CAPN15: variants seen among roughly 807,000 people sequenced by gnomAD.
The protein encoded by CAPN15 is calpain 15, also known as calpain-15.
A neutral mutation model predicts 97.9 loss-of-function variants in CAPN15; 53 were observed. The ratio of observed to expected loss-of-function variants is 0.54; its 90% CI spans 0.43 to 0.68. The LOEUF is 0.68. Ranked by LOEUF, CAPN15 falls within the 30% of genes least tolerant of loss-of-function variation. CAPN15 has a pLI of 0.00. For missense variants in CAPN15, 1,592 were observed against 1,589.8 expected, an observed-to-expected ratio of 1.00 and a Z score of -0.02; for synonymous variants, 922 against 722.5, an observed-to-expected ratio of 1.28 and a Z score of -4.43.
chr16:532,899 C>T (rs970371989), intron 1 of CAPN15, among the ~76,000 whole-genome samples: 2 of 150,614 alleles, frequency 1.3e-5, no homozygotes, highest in African/African-American at 2.4e-5. Flanking sequence ...CTGGACACAC[C>T]TGCACACCAT....
Position 551,647 on chromosome 16 carries a change from G to C in CAPN15, c.2328G>C (p.Glu776Asp). 1 of 1,594,680 alleles carries C rather than the reference G, an allele frequency of 6.3e-7. No homozygotes were observed. The highest frequency in any genetic ancestry group is 8.5e-7 in the Non-Finnish European group (1 of 1,173,162). ...GCAGTGAGGGTGTCTTCTGGATGGA[G>C]TACGGCGACTTTGTCAGGTATCGGC... ...HGSSEGVFWM[E>D]YGDFVRYFDS... Residue 776 changes from glutamate (E) to aspartate (D), a missense_variant, in exon 9 of 14, where the codon GAG (glutamate) becomes GAC (aspartate). Transcript: ENST00000219611.
chr16:540,287 G>C, intron 3 of CAPN15: 1 of 985,488 alleles, frequency 1.0e-6, no homozygotes, highest in Non-Finnish European at 1.2e-6. Flanking sequence ...GCGGCTGGCT[G>C]GTGTAGGAGC....
rs1272073279 is a variant in CAPN15 at position 551,679 on chromosome 16, G to A, written c.2345+15G>A. ...GACTTTGTCAGGTATCGGCACCGTGGGGCGGTGTGCACGCCGCCCCCGCCC... is the reference window on the plus strand; with the variant it reads ...GACTTTGTCAGGTATCGGCACCGTGAGGCGGTGTGCACGCCGCCCCCGCCC... On this transcript the variant is annotated intron_variant, in intron 9 of 13. Coordinates refer to ENST00000219611, the MANE Select transcript of CAPN15 (RefSeq NM_005632.3). 6.3e-7 allele frequency: 1 copy of A among 1,584,746 alleles called. No homozygotes were observed. The highest frequency in any genetic ancestry group is 8.6e-7 in the Non-Finnish European group (1 of 1,167,924).
Position 548,040 on chromosome 16 carries a change from C to T in CAPN15, c.1202C>T (p.Ser401Leu), listed in dbSNP as rs752957993. Residue 401 changes from serine to leucine, a missense_variant, in exon 4 of 14, where the codon TCG (serine) becomes TTG (leucine). This residue lies in a region of CAPN15 where 883 missense variants were observed against 776.6 expected (regional missense o/e 1.14). Coordinates refer to ENST00000219611, the MANE Select transcript of CAPN15 (RefSeq NM_005632.3). ...GGCAGAAGCTGCGGACGGGTGTCCT[C>T]GGCCCAGAAGGCCGCCCGCGTCCTG... is the stretch of plus-strand genomic sequence containing the variant. ...PCGRSCGRVS[S>L]AQKAARVLPE... The T allele has an allele frequency of 5.6e-5, 87 of 1,561,396 alleles. No individual in the cohort carries two copies. Among genetic ancestry groups the T allele is most frequent in the African/African-American group, 8.2e-5 (6 of 73,554 alleles).
chr16:549,997 TC>T (rs1213772891), intron 7 of CAPN15, among the ~76,000 whole-genome samples, 159 bp downstream of exon 7: 1 of 151,724 alleles, frequency 6.6e-6, no homozygotes, highest in Non-Finnish European at 1.5e-5. Flanking sequence ...CCCAATCACC[TC>T]CCCCTCCCTG....
Position 534,435 on chromosome 16 carries a change from A to G in CAPN15, c.-137+437A>G, listed in dbSNP as rs552393994. On this transcript the variant is annotated intron_variant, in intron 2 of 13. Coordinates refer to ENST00000219611, the MANE Select transcript of CAPN15 (RefSeq NM_005632.3). Reference sequence around the variant, plus strand: ...GGAGAATGCTGTCCTGCCAGTTGTCATTTGGGGCGGGCGGTCGGAGTCCAC... The same window carrying G: ...GGAGAATGCTGTCCTGCCAGTTGTCGTTTGGGGCGGGCGGTCGGAGTCCAC... Among the ~76,000 whole-genome samples, 151 of 152,084 alleles carry G rather than the reference A, an allele frequency of 9.9e-4. 1 individual carries two copies. The highest frequency in any genetic ancestry group is 3.6e-3 in the African/African-American group (148 of 41,480).
In CAPN15 at chr16:549,884, C is replaced by T. The variant is rs372485170; in HGVS notation, c.2066+46C>T. On this transcript the variant is annotated intron_variant, in intron 7 of 13. Coordinates refer to ENST00000219611, the MANE Select transcript of CAPN15 (RefSeq NM_005632.3). ...TGGTCAGCCGCGTTGGGAGGAGAGGCGAGGCGGAGCGGTGGGAGATGTGGG... is the reference window on the plus strand; with the variant it reads ...TGGTCAGCCGCGTTGGGAGGAGAGGTGAGGCGGAGCGGTGGGAGATGTGGG... 3.6e-5 allele frequency: 52 copies of T among 1,426,784 alleles called. No individual in the cohort carries two copies. In the African/African-American group the frequency reaches 4.5e-4, roughly 12 times the overall value. 88.4% of individuals were successfully genotyped at this position (1,426,784 alleles called of 1,614,324 possible). A position where few individuals can be genotyped will look rare whatever the true frequency, so the allele number is the denominator to read the frequency against.
rs369865671 is a variant in CAPN15 at position 552,066 on chromosome 16, G to A, written c.2361G>A (p.Val787=). Residue 787 remains valine, a synonymous_variant, in exon 10 of 14, where the codon GTG becomes GTA. Coordinates refer to ENST00000219611, the MANE Select transcript of CAPN15 (RefSeq NM_005632.3). The surrounding 1 kb of genome is among the most constrained non-coding windows in gnomAD (Gnocchi z 6.4). ...YGDFVRYFDS[V]DICKVHSDWQ... is the part of the protein sequence containing the mutation. ...CCACCTGCAGGTACTTCGACTCCGT[G>A]GACATCTGTAAGGTGCACTCGGACT... is the stretch of plus-strand genomic sequence containing the variant. 1.5e-4 allele frequency: 235 copies of A among 1,548,926 alleles called. No individual in the cohort carries two copies. The highest frequency in any genetic ancestry group is 1.7e-4 in the Non-Finnish European group (198 of 1,146,838).
chr16:554,184 C>T lies in CAPN15; in HGVS notation c.*668C>T, dbSNP rs554085300. ...CACCAGTTCTCAGCACCGCTCACTGCTGCCGGGCACACTGGGACCAGCAGG... is the reference window on the plus strand; with the variant it reads ...CACCAGTTCTCAGCACCGCTCACTGTTGCCGGGCACACTGGGACCAGCAGG... On this transcript the variant is annotated 3_prime_UTR_variant, in exon 14 of 14. Transcript: ENST00000219611. The T allele has an allele frequency of 3.4e-6, 1 of 293,214 alleles. No homozygotes were observed. The highest frequency in any genetic ancestry group is 4.3e-5 in the Admixed American group (1 of 23,388). 18.2% of individuals were successfully genotyped at this position (293,214 alleles called of 1,614,324 possible). A position where few individuals can be genotyped will look rare whatever the true frequency, so the allele number is the denominator to read the frequency against.
Position 532,071 on chromosome 16 carries a change from C to G in CAPN15, c.-189-1875C>G, listed in dbSNP as rs1271491660. Among the ~76,000 whole-genome samples, 5 of 151,988 alleles carry G rather than the reference C, an allele frequency of 3.3e-5. No homozygotes were observed. The East Asian group carries it at 9.7e-4, about 29-fold the overall frequency. On this transcript the variant is annotated intron_variant, in intron 1 of 13. Transcript: ENST00000219611. ...CCTGACCAAAATGGCGAAACCCCAT[C>G]TCTACTAAAAATAAAAAAATTAGCT...
intron 3 of CAPN15, among the ~76,000 whole-genome samples, chr16:542,194 A>G (rs986093581): frequency 7.2e-5 from 11 of 152,246 alleles, no homozygotes; most frequent in Non-Finnish European, 8.8e-5. Flanking sequence ...TTATCTATTC[A>G]TGGACGCTAG....
At chr16:548,865 C>T in intron 4 of CAPN15, 128 bp from the exon 5 acceptor site, 2 of 866,074 alleles carry the variant, frequency 2.3e-6, no homozygotes, top group Non-Finnish European at 3.7e-6. Context: ...CTGTGGCTGT[C>T]CACGCTCCAC....
intron 3 of CAPN15, among the ~76,000 whole-genome samples, chr16:542,758 G>GAA (rs60637004): frequency 6.7e-6 from 1 of 150,190 alleles, no homozygotes; most frequent in African/African-American, 2.4e-5. Flanking sequence ...TGGTTAATTA[G>GAA]AAAAAAAAAA....
At chr16:534,193 T>C in intron 2 of CAPN15, among the ~76,000 whole-genome samples, 195 bp downstream of exon 2, 1 of 152,270 alleles carries the variant, frequency 6.6e-6, no homozygotes, top group Admixed American at 6.5e-5. Context: ...CGTGGTCCTG[T>C]CGTGGGAGGC....
In CAPN15 at chr16:551,570, G is replaced by A. The variant is rs780701278; in HGVS notation, c.2251G>A (p.Glu751Lys). 11 of 1,611,298 alleles carry A rather than the reference G, an allele frequency of 6.8e-6. No individual in the cohort carries two copies. Among genetic ancestry groups the A allele is most frequent in the Middle Eastern group, 1.6e-4 (1 of 6,084 alleles). Reference sequence around the variant, plus strand: ...CTCCTGGAACGGCAGCTGGTCCGACGAGTGGCCACACTGGCCGGGGCACCT... The same window carrying A: ...CTCCTGGAACGGCAGCTGGTCCGACAAGTGGCCACACTGGCCGGGGCACCT... ...RFSWNGSWSDEWPHWPGHLRG... is the reference protein window; with the variant it reads ...RFSWNGSWSDKWPHWPGHLRG... Residue 751 changes from glutamate to lysine, a missense_variant, in exon 9 of 14, where the codon GAG (glutamate) becomes AAG (lysine). By Grantham distance (56) the Glu-to-Lys change is moderately conservative (BLOSUM62 1). Transcript: ENST00000219611.
chr16:528,752 C>T, intron 1 of CAPN15: 1 of 985,378 alleles, frequency 1.0e-6, no homozygotes, highest in Non-Finnish European at 1.2e-6. Context: ...TGGTGAGGCC[C>T]AGAACCTGAG....
chr16:534,237 T>TGAGGGCGGCCCGGGGTCCCGACGGGGGC (rs2033532279), intron 2 of CAPN15, among the ~76,000 whole-genome samples: 2 of 34,638 alleles, frequency 5.8e-5, no homozygotes, highest in Non-Finnish European at 9.3e-5. Context: ...CCGACAGGGG[T>TGAGGGCGGCCCGGGGTCCCGACGGGGGC]GTTTGTCCCT....
intron 4 of CAPN15, 136 bp from the exon 5 acceptor site, chr16:548,857 G>T (rs1039852985): frequency 3.7e-6 from 3 of 814,776 alleles, no homozygotes; most frequent in Non-Finnish European, 4.0e-6. Flanking sequence ...CGCCAGGTCT[G>T]TGGCTGTCCA....
chr16:547,957 G>A lies in CAPN15; in HGVS notation c.1119G>A (p.Glu373=). 1.3e-6 allele frequency: 2 copies of A among 1,589,970 alleles called. No homozygotes were observed. Among genetic ancestry groups the A allele is most frequent in the Non-Finnish European group, 8.5e-7 (1 of 1,169,714 alleles). Residue 373 remains glutamate, a synonymous_variant, in exon 4 of 14, where the codon GAG becomes GAA. Transcript: ENST00000219611. Reference sequence around the variant, plus strand: ...GCTCCAAACTGCACGGCTTCCAGGAGCATGGCGAGCCCCCCACCCACTGCC... The same window carrying A: ...GCTCCAAACTGCACGGCTTCCAGGAACATGGCGAGCCCCCCACCCACTGCC... ...CGCSKLHGFQ[E]HGEPPTHCPD...
Sources: allele counts gnomAD v4.1 joint callset (sites outside exome capture counted in the v4.1 genomes callset), GRCh38; gene constraint gnomAD v4.1.1; regional missense constraint gnomAD v4.1.1; non-coding constraint Gnocchi (gnomAD v3.1); transcripts MANE v1.5; gene names NCBI Gene and HGNC (gene_info 2026-07-23, HGNC 2026-07-21).